PRKN: variants seen among roughly 807,000 people sequenced by gnomAD.
PRKN encodes E3 ubiquitin-protein ligase parkin.
Under a neutral mutation model 59.5 loss-of-function variants are expected in PRKN, and 56 were observed. That is an observed-to-expected ratio of 0.94 (90% confidence interval 0.76 to 1.18). PRKN has a LOEUF of 1.18. PRKN is among the 50% of genes most tolerant of loss of function. The probability of loss-of-function intolerance (pLI) is 0.00; values close to 1 mark genes in which losing one functional copy is unlikely to be tolerated. For synonymous variants in PRKN, 250 were observed against 222.1 expected (o/e 1.13, Z -1.12); for missense variants, 657 against 596.4 (o/e 1.10, Z -1.06).
At chr6:161,906,714 T>A (rs1326832035) in intron 6 of PRKN, among the ~76,000 whole-genome samples, 1 of 142,760 alleles carries the variant, frequency 7.0e-6, no homozygotes, top group African/African-American at 2.7e-5. Context: ...ACTCACAAGA[T>A]CACAAGATAA....
At chr6:162,511,785 T>C (rs957757966) in intron 1 of PRKN, among the ~76,000 whole-genome samples, 2 of 152,194 alleles carry the variant, frequency 1.3e-5, no homozygotes, top group East Asian at 3.8e-4. Flanking sequence ...TGATACGTGA[T>C]CTACAGCTTT....
At chr6:162,358,722 T>C (rs900499820) in intron 2 of PRKN, among the ~76,000 whole-genome samples, 1 of 152,058 alleles carries the variant, frequency 6.6e-6, no homozygotes, top group African/African-American at 2.4e-5. Flanking sequence ...CCCTATCTTA[T>C]CATTTTAGAT....
At chr6:162,185,585 T>C (rs1275811264) in intron 4 of PRKN, among the ~76,000 whole-genome samples, 1 of 152,170 alleles carries the variant, frequency 6.6e-6, no homozygotes, top group Non-Finnish European at 1.5e-5. Context: ...CAGGAAAAAC[T>C]AGTGAGTAAC....
chr6:161,958,877 T>C (rs1780277082), intron 6 of PRKN, among the ~76,000 whole-genome samples: 1 of 130,852 alleles, frequency 7.6e-6, no homozygotes, highest in Non-Finnish European at 1.7e-5. Flanking sequence ...TGAAACTCCA[T>C]CTCAAAAAAA....
intron 7 of PRKN, among the ~76,000 whole-genome samples, chr6:161,751,640 T>C (rs948442179): frequency 1.3e-5 from 2 of 152,334 alleles, no homozygotes; most frequent in African/African-American, 4.8e-5. Flanking sequence ...ATTGTTGTGC[T>C]CTTACTCTGT....
At chr6:162,727,524 G>C in intron 1 of PRKN, 138 bp downstream of exon 1, 1 of 975,142 alleles carries the variant, frequency 1.0e-6, no homozygotes. Context: ...CGGCGGCGCG[G>C]GCCGGGGACG....
chr6:162,050,866 C>A (rs1433713932), intron 5 of PRKN, among the ~76,000 whole-genome samples: 1 of 152,108 alleles, frequency 6.6e-6, no homozygotes, highest in Non-Finnish European at 1.5e-5. Flanking sequence ...TGATGAGAAG[C>A]CAGGGTACTG....
At chr6:162,179,851 T>C (rs910777916) in intron 4 of PRKN, among the ~76,000 whole-genome samples, 1 of 152,078 alleles carries the variant, frequency 6.6e-6, no homozygotes, top group Non-Finnish European at 1.5e-5. Context: ...AGCAAACAGA[T>C]AGAGCCTGAA....
Position 162,425,940 on chromosome 6 carries a change from A to C in PRKN, c.171+17370T>G, listed in dbSNP as rs186540001. 1.0e-3 allele frequency among the ~76,000 whole-genome samples: 154 copies of C among 152,354 alleles called. 1 individual carries two copies. Among genetic ancestry groups the C allele is most frequent in the Admixed American group, 7.6e-3 (117 of 15,310 alleles). ...CATGGATGTGATAGCGACTAACCACAAAGATTTGAAATGATTTCTAAAGCT... is the reference window on the plus strand; with the variant it reads ...CATGGATGTGATAGCGACTAACCACCAAGATTTGAAATGATTTCTAAAGCT... On this transcript the variant is annotated intron_variant, in intron 2 of 11. Transcript: ENST00000366898.
chr6:161,784,363 T>G (rs1032020374), intron 7 of PRKN, among the ~76,000 whole-genome samples: 1 of 152,172 alleles, frequency 6.6e-6, no homozygotes, highest in African/African-American at 2.4e-5. Flanking sequence ...AGACAACCTA[T>G]AGAATGGGAG....
intron 1 of PRKN, among the ~76,000 whole-genome samples, chr6:162,600,972 T>C (rs549347959): frequency 5.9e-4 from 90 of 152,320 alleles, no homozygotes; most frequent in African/African-American, 2.0e-3. Context: ...ATGGATAACA[T>C]AGCTAGTATC....
intron 1 of PRKN, among the ~76,000 whole-genome samples, chr6:162,493,090 TG>T (rs1217536061): frequency 6.6e-6 from 1 of 152,196 alleles, no homozygotes; most frequent in Non-Finnish European, 1.5e-5. Flanking sequence ...CAGAGTTTTT[TG>T]TTTTATACCA....
At chr6:161,567,232 G>A (rs1780687659) in intron 8 of PRKN, among the ~76,000 whole-genome samples, 1 of 151,876 alleles carries the variant, frequency 6.6e-6, no homozygotes, top group South Asian at 2.1e-4. Context: ...TAGAGATGTG[G>A]TTTCACTATT....
intron 7 of PRKN, among the ~76,000 whole-genome samples, chr6:161,589,781 T>TC (rs1186739283): frequency 6.9e-6 from 1 of 145,612 alleles, no homozygotes; most frequent in East Asian, 2.0e-4. Context: ...TTAAATTCTT[T>TC]TTTTTTTTTT....
chr6:162,223,174 C>A (rs966022833), intron 3 of PRKN, among the ~76,000 whole-genome samples: 11 of 152,126 alleles, frequency 7.2e-5, no homozygotes, highest in African/African-American at 2.4e-4. Flanking sequence ...CATGTCCCTA[C>A]AAAGGACATG....
intron 2 of PRKN, among the ~76,000 whole-genome samples, chr6:162,329,953 C>A (rs753140132): frequency 6.6e-5 from 10 of 152,144 alleles, no homozygotes; most frequent in African/African-American, 9.7e-5. Flanking sequence ...AACATCACAG[C>A]AAGTCAACAT....
chr6:161,405,135 T>G lies in PRKN; in HGVS notation c.1084-18258A>C, dbSNP rs1449745319. Among the ~76,000 whole-genome samples, 1 of 152,186 alleles carries G rather than the reference T, an allele frequency of 6.6e-6. No homozygotes were observed. Among genetic ancestry groups the G allele is most frequent in the Non-Finnish European group, 1.5e-5 (1 of 68,036 alleles). On this transcript the variant is annotated intron_variant, in intron 9 of 11. Transcript: ENST00000366898. The surrounding 1 kb of genome is among the most constrained non-coding windows in gnomAD (Gnocchi z 5.1). ...ATCTCTCCAAATATCTCACAGGCCT[T>G]TACTTTATTATGGGCCAGGAACAAA...
At chr6:161,814,571 T>G (rs1336557085) in intron 6 of PRKN, among the ~76,000 whole-genome samples, 2 of 152,164 alleles carry the variant, frequency 1.3e-5, no homozygotes. Flanking sequence ...GGCCCAATCT[T>G]GGCTCACCGC....
intron 2 of PRKN, among the ~76,000 whole-genome samples, chr6:162,289,810 T>C (rs1387762729): frequency 6.6e-6 from 1 of 152,122 alleles, no homozygotes; most frequent in African/African-American, 2.4e-5. Flanking sequence ...GCCTCTGCTG[T>C]GGCAGCAAGA....
Sources: gnomAD v4.1 joint callset for allele counts (sites outside exome capture counted in the v4.1 genomes callset) on GRCh38, gnomAD v4.1.1 for gene constraint, Gnocchi (gnomAD v3.1) non-coding constraint, MANE v1.5 for transcripts, NCBI Gene and HGNC (gene_info 2026-07-23, HGNC 2026-07-21) for gene names.